Variants in PHF21B observed in about 807,000 individuals in gnomAD.
The protein encoded by PHF21B is PHD finger protein 4.
Under a neutral mutation model 62.2 loss-of-function variants are expected in PHF21B, and 22 were observed. The observed-to-expected ratio is 0.35, with a 90% CI of 0.25 to 0.51. PHF21B has a LOEUF of 0.51. Ranked by LOEUF, PHF21B falls within the 20% of genes least tolerant of loss-of-function variation. PHF21B has a pLI of 0.97. For missense variants in PHF21B, 701 were observed against 707.9 expected (o/e 0.99, Z 0.11); for synonymous variants, 341 against 314.7 (o/e 1.08, Z -0.88).
rs371383164 is a variant in PHF21B, at chr22:44,919,435, ATTC to A, written c.213+960_213+962del. Among the ~76,000 whole-genome samples the A allele has an allele frequency of 5.3e-4, 81 of 152,322 alleles. 2 individuals carry two copies. In the East Asian group the frequency reaches 0.011, roughly 20 times the overall value. ...TGTATTTTATGTGCGGCCTAAGACA[ATTC>A]TTCTTCCAGTGTGGCCCAGGGAAAC... On this transcript the variant is annotated intron_variant, in intron 3 of 12. Coordinates refer to ENST00000313237, the MANE Select transcript of PHF21B (RefSeq NM_138415.5).
At chr22:44,991,771 T>TC (rs960124705) in intron 2 of PHF21B, among the ~76,000 whole-genome samples, 2 of 152,214 alleles carry the variant, frequency 1.3e-5, no homozygotes, top group Admixed American at 6.5e-5. Flanking sequence ...GCTCCGCTGG[T>TC]CCATCCAGCT....
In PHF21B at chr22:44,883,090, T is replaced by A. The variant is rs763504666; in HGVS notation, c.1592A>T (p.Asn531Ile). ...ATGAAGACTGGTCCCTCGGGGTCAG[T>A]TGTGGCCCTGGGGGTGCTGGACGGT... Reference protein sequence around the residue: ...HPTVQHPQGHN With the variant: ...HPTVQHPQGHI Residue 531 changes from asparagine (N) to isoleucine (I), a missense_variant, in exon 13 of 13, where the codon AAC becomes ATC. Transcript: ENST00000313237. 1.2e-6 allele frequency: 2 copies of A among 1,610,036 alleles called. No homozygotes were observed. The highest frequency in any genetic ancestry group is 1.7e-6 in the Non-Finnish European group (2 of 1,179,056).
At chr22:44,942,261 G>A (rs1020602114) in intron 2 of PHF21B, among the ~76,000 whole-genome samples, 12 of 152,182 alleles carry the variant, frequency 7.9e-5, no homozygotes, top group African/African-American at 2.2e-4. Flanking sequence ...CCAGGCCACC[G>A]GGACAGTGTG....
At chr22:44,959,950 G>A (rs545050230) in intron 2 of PHF21B, among the ~76,000 whole-genome samples, 2 of 152,296 alleles carry the variant, frequency 1.3e-5, no homozygotes, top group Non-Finnish European at 2.9e-5. Context: ...TCAGGGCAGC[G>A]CCTCCAGGAA....
chr22:45,006,851 C>A (rs1001830180), intron 2 of PHF21B, among the ~76,000 whole-genome samples: 2 of 144,884 alleles, frequency 1.4e-5, no homozygotes, highest in Non-Finnish European at 3.0e-5. Flanking sequence ...GATCTGGTGG[C>A]AGATTTTTTT....
intron 2 of PHF21B, among the ~76,000 whole-genome samples, chr22:44,955,130 T>C (rs536069064): frequency 6.6e-6 from 1 of 152,304 alleles, no homozygotes; most frequent in Admixed American, 6.5e-5. Flanking sequence ...TCAGCGGTCA[T>C]GCTGTGTCTC....
chr22:44,929,088 C>A (rs148766436), intron 2 of PHF21B, among the ~76,000 whole-genome samples: 56 of 152,366 alleles, frequency 3.7e-4, no homozygotes, highest in African/African-American at 1.3e-3. Flanking sequence ...AATTGCTTCT[C>A]GAGTTGCAAT....
intron 5 of PHF21B, among the ~76,000 whole-genome samples, chr22:44,897,816 T>C (rs1569213817): frequency 6.6e-6 from 1 of 152,228 alleles, no homozygotes; most frequent in East Asian, 1.9e-4. Flanking sequence ...CTTTAGTCTT[T>C]TTGTTTTTTA....
Position 44,920,467 on chromosome 22 carries a change from C to T in PHF21B, c.144G>A (p.Val48=). 6.2e-7 allele frequency: 1 copy of T among 1,612,536 alleles called. No individual in the cohort carries two copies. The highest frequency in any genetic ancestry group is 8.5e-7 in the Non-Finnish European group (1 of 1,179,140). ...AGCTGACCTGAGGACCCGTGACAGG[C>T]ACTGCAGTGATCGTTCCCAAAGCCT... ...DKQALGTITA[V]PVTGPQVSSL... is the part of the protein sequence containing the mutation. Residue 48 remains valine, a synonymous_variant, in exon 3 of 13, where the codon GTG becomes GTA. Coordinates refer to ENST00000313237, the MANE Select transcript of PHF21B (RefSeq NM_138415.5).
intron 9 of PHF21B, 151 bp from the exon 10 acceptor site, chr22:44,888,272 T>C: frequency 9.8e-7 from 1 of 1,021,656 alleles, no homozygotes; most frequent in Non-Finnish European, 1.3e-6. Flanking sequence ...GAGAGAGGGA[T>C]AAACCCTGGA....
At chr22:44,924,065 AGGGAG>A (rs1569231147) in intron 2 of PHF21B, among the ~76,000 whole-genome samples, 47 of 18,520 alleles carry the variant, frequency 2.5e-3, no homozygotes, top group African/African-American at 7.0e-3. Flanking sequence ...GGAGGGAGGG[AGGGAG>A]GGGAGGGAAG....
intron 2 of PHF21B, among the ~76,000 whole-genome samples, chr22:44,933,746 CAGACAGAG>C (rs915297800): frequency 1.3e-5 from 2 of 151,912 alleles, no homozygotes; most frequent in African/African-American, 4.8e-5. Context: ...GACAGACAGA[CAGACAGAG>C]AGACAGAGAC....
At chr22:44,980,797 G>A (rs1212465395) in intron 2 of PHF21B, among the ~76,000 whole-genome samples, 1 of 152,130 alleles carries the variant, frequency 6.6e-6, no homozygotes, top group African/African-American at 2.4e-5. Flanking sequence ...CCAGGAAGCC[G>A]AGCCCCTTCA....
chr22:44,959,038 A>G (rs2350224), intron 2 of PHF21B, among the ~76,000 whole-genome samples: 141,239 of 152,110 alleles, frequency 0.93, 65,622 homozygotes, highest in South Asian at 0.97. Flanking sequence ...TTCAGATGGT[A>G]TACTGCCTGA....
chr22:44,965,975 C>G (rs1013221778), intron 2 of PHF21B, among the ~76,000 whole-genome samples: 1 of 152,236 alleles, frequency 6.6e-6, no homozygotes, highest in Non-Finnish European at 1.5e-5. Context: ...AAAGGCCCGG[C>G]TCCCACGGGC....
intron 2 of PHF21B, among the ~76,000 whole-genome samples, chr22:44,990,989 G>A (rs572898945): frequency 4.6e-5 from 7 of 152,184 alleles, no homozygotes; most frequent in East Asian, 1.9e-4. Context: ...CTGCTGCCGC[G>A]GCTCCTCCAC....
At position 44,967,472 on chromosome 22, in the gene PHF21B, C is replaced by T. The variant is rs557967871; in HGVS notation, c.120+41073G>A. Among the ~76,000 whole-genome samples the T allele has an allele frequency of 7.9e-5, 12 of 152,260 alleles. No homozygotes were observed. In the South Asian group the frequency reaches 1.7e-3, roughly 21 times the overall value. On this transcript the variant is annotated intron_variant, in intron 2 of 12. Coordinates refer to ENST00000313237, the MANE Select transcript of PHF21B (RefSeq NM_138415.5). ...TCCTGACCTCATGATCTGCCTGCCT[C>T]GGCCTCCCAAAGTGCTGGGATTACA...
At chr22:44,992,681 C>T (rs1254563192) in intron 2 of PHF21B, among the ~76,000 whole-genome samples, 1 of 152,238 alleles carries the variant, frequency 6.6e-6, no homozygotes, top group Non-Finnish European at 1.5e-5. Flanking sequence ...AGAGCTCCAG[C>T]CCCACTTTCT....
intron 2 of PHF21B, among the ~76,000 whole-genome samples, chr22:44,978,914 C>G (rs1356016399): frequency 6.6e-6 from 1 of 152,228 alleles, no homozygotes; most frequent in Non-Finnish European, 1.5e-5. Context: ...ATCTGGAGAT[C>G]CCAGGTGAGG....
Sources: allele counts gnomAD v4.1 joint callset (sites outside exome capture counted in the v4.1 genomes callset), GRCh38; gene constraint gnomAD v4.1.1; transcripts MANE v1.5; gene names NCBI Gene and HGNC (gene_info 2026-07-23, HGNC 2026-07-21).